SLC20A2: variants seen among roughly 807,000 people sequenced by gnomAD.
The protein encoded by SLC20A2 is solute carrier family 20 member 2.
SLC20A2 carries 30 observed loss-of-function variants against 61.0 expected under a neutral mutation model. That is an observed-to-expected ratio of 0.49 (90% confidence interval 0.37 to 0.67). The LOEUF (loss-of-function observed/expected upper bound fraction) is 0.67, where lower values mean the gene tolerates loss of function less well. SLC20A2 is among the 30% of genes least tolerant of loss of function. The probability of loss-of-function intolerance (pLI) is 0.00; values close to 1 mark genes in which losing one functional copy is unlikely to be tolerated. For synonymous variants in SLC20A2, 351 were observed against 353.3 expected (o/e 0.99, Z 0.07); for missense variants, 626 against 866.4 (o/e 0.72, Z 3.48).
At chr8:42,538,479 C>A (rs1014809287) in intron 1 of SLC20A2, among the ~76,000 whole-genome samples, 4 of 152,016 alleles carry the variant, frequency 2.6e-5, no homozygotes, top group Admixed American at 2.6e-4. Flanking sequence ...CTGCAGATTG[C>A]AGAGAAAGTC....
chr8:42,432,243 C>G (rs991586448), intron 8 of SLC20A2, among the ~76,000 whole-genome samples: 1 of 152,208 alleles, frequency 6.6e-6, no homozygotes, highest in African/African-American at 2.4e-5. Flanking sequence ...GATTCCAACT[C>G]TCACAGATGA....
chr8:42,482,307 G>A (rs1321998395), intron 1 of SLC20A2, among the ~76,000 whole-genome samples: 1 of 152,054 alleles, frequency 6.6e-6, no homozygotes, highest in East Asian at 1.9e-4. Flanking sequence ...TTATTATTAG[G>A]AAATATATCA....
In SLC20A2 at chr8:42,421,395, GT is replaced by G. The variant is rs201195486; in HGVS notation, c.1795-3429del. On this transcript the variant is annotated intron_variant, in intron 10 of 10. Coordinates refer to ENST00000520262, the MANE Select transcript of SLC20A2 (RefSeq NM_001257180.2). ...TATTTTTGCTGCAATTATGGTGGCA[GT>G]TTTTTTCCCTCCCGTTACATTTTCT... is the stretch of plus-strand genomic sequence containing the variant. 2.0e-5 allele frequency among the ~76,000 whole-genome samples: 3 copies of G among 152,242 alleles called. No individual in the cohort carries two copies. In the East Asian group the frequency reaches 5.8e-4, roughly 29 times the overall value.
intron 1 of SLC20A2, among the ~76,000 whole-genome samples, chr8:42,525,581 CAAAAAAAAAAAAAAA>C (rs34356863): frequency 1.5e-5 from 1 of 68,722 alleles, no homozygotes; most frequent in East Asian, 4.1e-4. Context: ...GACTCTGTCT[CAAAAAAAAAAAAAAA>C]AAAAAAAAAG....
intron 5 of SLC20A2, among the ~76,000 whole-genome samples, chr8:42,451,556 G>GGAGGAAGAGGAAGAGATGAA (rs1362917670): frequency 6.9e-6 from 1 of 144,398 alleles, no homozygotes; most frequent in Non-Finnish European, 1.5e-5. Flanking sequence ...AAAAGATGGA[G>GGAGGAAGAGGAAGAGATGAA]GAGGAAGAGG....
chr8:42,503,572 T>C (rs1216200473), upstream of SLC20A2, among the ~76,000 whole-genome samples: 2 of 152,230 alleles, frequency 1.3e-5, no homozygotes, highest in African/African-American at 2.4e-5. Context: ...TAACTCAATA[T>C]ATCCAAGATA....
chr8:42,458,621 A>AT (rs975859003), intron 5 of SLC20A2, among the ~76,000 whole-genome samples: 5 of 148,166 alleles, frequency 3.4e-5, no homozygotes, highest in African/African-American at 1.2e-4. Flanking sequence ...AAAAAAAAAA[A>AT]AAAAGGCCGG....
chr8:42,504,954 C>A (rs564884269), upstream of SLC20A2, among the ~76,000 whole-genome samples: 1 of 146,718 alleles, frequency 6.8e-6, no homozygotes, highest in Non-Finnish European at 1.5e-5. Context: ...GTCTCTATGT[C>A]CAGGGAGTTC....
chr8:42,444,240 A>T (rs936205087), intron 6 of SLC20A2, among the ~76,000 whole-genome samples: 1 of 152,252 alleles, frequency 6.6e-6, no homozygotes, highest in Non-Finnish European at 1.5e-5. Context: ...AAATTTCAGC[A>T]TAAACCTGGG....
chr8:42,448,916 C>A (rs140800912), intron 5 of SLC20A2, among the ~76,000 whole-genome samples: 1,589 of 152,210 alleles, frequency 0.01, 20 homozygotes, highest in South Asian at 0.021. Context: ...CTGACAGTTA[C>A]CTGTGTTACA....
intron 2 of SLC20A2, among the ~76,000 whole-genome samples, chr8:42,468,109 A>G (rs972789178): frequency 3.3e-5 from 5 of 152,016 alleles, no homozygotes; most frequent in Admixed American, 2.6e-4. Flanking sequence ...TCACCGCGTC[A>G]GCCAAGATGG....
At chr8:42,489,148 A>T (rs576431470) in intron 1 of SLC20A2, among the ~76,000 whole-genome samples, 29 of 152,110 alleles carry the variant, frequency 1.9e-4, no homozygotes, top group Non-Finnish European at 4.0e-4. Flanking sequence ...CATGTTGGCC[A>T]GGCTGGTCTC....
intron 5 of SLC20A2, among the ~76,000 whole-genome samples, chr8:42,456,560 G>A (rs373245915): frequency 7.2e-5 from 11 of 151,876 alleles, no homozygotes; most frequent in South Asian, 2.1e-4. Context: ...GCAAAACCCC[G>A]TCTCTACTAA....
chr8:42,445,832 A>T (rs1443169535), intron 5 of SLC20A2, among the ~76,000 whole-genome samples: 2 of 152,216 alleles, frequency 1.3e-5, no homozygotes, highest in Middle Eastern at 3.2e-3. Context: ...TGCCATCTGG[A>T]CACTGCCTGG....
At chr8:42,451,174 A>G (rs1165133937) in intron 5 of SLC20A2, among the ~76,000 whole-genome samples, 1 of 149,516 alleles carries the variant, frequency 6.7e-6, no homozygotes, top group East Asian at 2.0e-4. Flanking sequence ...GGAAGAAGAG[A>G]AGGAGGAGGA....
intron 1 of SLC20A2, among the ~76,000 whole-genome samples, chr8:42,489,457 T>C (rs1344870361): frequency 1.4e-5 from 2 of 145,576 alleles, no homozygotes; most frequent in East Asian, 4.4e-4. Flanking sequence ...CCATGTGTGT[T>C]TCACACGAGC....
chr8:42,526,446 G>A (rs1811946195), intron 1 of SLC20A2, among the ~76,000 whole-genome samples: 1 of 152,006 alleles, frequency 6.6e-6, no homozygotes, highest in South Asian at 2.1e-4. Flanking sequence ...GGCCAAGGTG[G>A]GCGGATCACT....
intron 1 of SLC20A2, among the ~76,000 whole-genome samples, chr8:42,481,251 C>A (rs1808529838): frequency 6.6e-6 from 1 of 152,096 alleles, no homozygotes; most frequent in Non-Finnish European, 1.5e-5. Flanking sequence ...TAATCGAGTC[C>A]AATTTTGGTC....
chr8:42,537,666 T>C (rs894552060), intron 1 of SLC20A2: 1 of 152,232 alleles, frequency 6.6e-6, no homozygotes, highest in African/African-American at 2.4e-5. Context: ...GCTTTGAGAT[T>C]CAAACTTCAG....
Sources: gnomAD v4.1 joint callset for allele counts (sites outside exome capture counted in the v4.1 genomes callset) on GRCh38, gnomAD v4.1.1 for gene constraint, MANE v1.5 for transcripts, NCBI Gene and HGNC (gene_info 2026-07-23, HGNC 2026-07-21) for gene names.